The following UBXN8 variants were observed in gnomAD, a reference collection of about 807,000 sequenced individuals.
UBXN8 encodes the protein UBX domain-containing protein 8.
A neutral mutation model predicts 32.1 loss-of-function variants in UBXN8; 27 were observed. That is an observed-to-expected ratio of 0.84 (90% CI 0.62 to 1.16). The LOEUF (loss-of-function observed/expected upper bound fraction) is 1.16, where lower values mean the gene tolerates loss of function less well. Ranked by LOEUF, UBXN8 falls within the 50% of genes most tolerant of loss-of-function variation. UBXN8 has a pLI of 0.00. For synonymous variants in UBXN8, 109 were observed against 111.8 expected (o/e 0.98, Z 0.16); for missense variants, 306 against 311.4 (o/e 0.98, Z 0.13).
At chr8:30,762,767 T>A (rs1805869196) in intron 6 of UBXN8, among the ~76,000 whole-genome samples, 2 of 152,210 alleles carry the variant, frequency 1.3e-5, no homozygotes, top group Admixed American at 6.5e-5. Flanking sequence ...TTATGCCTAA[T>A]ATGATACCCA....
intron 7 of UBXN8, among the ~76,000 whole-genome samples, chr8:30,765,373 C>CT (rs1805971332): frequency 6.6e-6 from 1 of 152,060 alleles, no homozygotes; most frequent in Admixed American, 6.6e-5. Flanking sequence ...TCCCCGGACT[C>CT]AGGTGATCCT....
upstream of UBXN8, among the ~76,000 whole-genome samples, chr8:30,742,709 C>G (rs1383152384): frequency 6.6e-6 from 1 of 151,964 alleles, no homozygotes; most frequent in Non-Finnish European, 1.5e-5. Context: ...ACTTGAAATC[C>G]CACCCTTCCC....
At chr8:30,748,132 C>CTTT (rs1047300119) in intron 1 of UBXN8, among the ~76,000 whole-genome samples, 1 of 143,438 alleles carries the variant, frequency 7.0e-6, no homozygotes, top group Non-Finnish European at 1.5e-5. Context: ...AATTTTTTTT[C>CTTT]TTTTTTTTTT....
chr8:30,761,724 A>C (rs1805837008), intron 6 of UBXN8, among the ~76,000 whole-genome samples: 1 of 152,126 alleles, frequency 6.6e-6, no homozygotes, highest in South Asian at 2.1e-4. Flanking sequence ...AGGAAAAAAA[A>C]AAGGAAAAAA....
At chr8:30,757,244 A>T (rs564128766) in intron 5 of UBXN8, among the ~76,000 whole-genome samples, 1 of 152,010 alleles carries the variant, frequency 6.6e-6, no homozygotes, top group Non-Finnish European at 1.5e-5. Context: ...AAATGATAAT[A>T]GGTTTAGAAA....
chr8:30,752,566 C>T (rs1304841075), intron 2 of UBXN8, among the ~76,000 whole-genome samples: 3 of 152,142 alleles, frequency 2.0e-5, no homozygotes, highest in Admixed American at 6.6e-5. Context: ...CTGCCTCAGT[C>T]GCCCAAAATG....
At chr8:30,731,370 C>G (rs1276792997), upstream of UBXN8, among the ~76,000 whole-genome samples, 3 of 152,154 alleles carry the variant, frequency 2.0e-5, no homozygotes, top group Non-Finnish European at 4.4e-5. Flanking sequence ...ATCATCGGAG[C>G]CATGGGAGTT....
upstream of UBXN8, among the ~76,000 whole-genome samples, chr8:30,729,275 C>T (rs1437812768): frequency 2.6e-5 from 4 of 152,200 alleles, no homozygotes; most frequent in East Asian, 1.9e-4. Flanking sequence ...GGCAGGCCCC[C>T]GTGGAGTATC....
chr8:30,755,017 A>G (rs1304657767), intron 4 of UBXN8, among the ~76,000 whole-genome samples: 2 of 144,228 alleles, frequency 1.4e-5, no homozygotes, highest in Admixed American at 7.2e-5. Context: ...GTTCAGTGGC[A>G]CAATCTCGGC....
intron 1 of UBXN8, among the ~76,000 whole-genome samples, chr8:30,749,088 GTTC>G (rs1196922817): frequency 6.6e-6 from 1 of 151,922 alleles, no homozygotes; most frequent in East Asian, 1.9e-4. Flanking sequence ...TTTCACTTTG[GTTC>G]TTAATATAAC....
chr8:30,766,010 C>CAAA (rs35768128), intron 7 of UBXN8, among the ~76,000 whole-genome samples: 2 of 133,784 alleles, frequency 1.5e-5, no homozygotes, highest in Non-Finnish European at 1.6e-5. Flanking sequence ...ACTCCCATCT[C>CAAA]AAAAAAAAAA....
chr8:30,743,567 T>A (rs995024710), upstream of UBXN8, among the ~76,000 whole-genome samples: 2 of 152,154 alleles, frequency 1.3e-5, no homozygotes, highest in Non-Finnish European at 1.5e-5. Flanking sequence ...AACTATGAAG[T>A]CAAGGTTAAC....
chr8:30,737,898 A>C (rs756111750), intron 1 of UBXN8, among the ~76,000 whole-genome samples: 1 of 152,210 alleles, frequency 6.6e-6, no homozygotes, highest in African/African-American at 2.4e-5. Context: ...TTAGGGGGGA[A>C]AAAGAGACTA....
intron 1 of UBXN8, among the ~76,000 whole-genome samples, chr8:30,737,655 TC>T (rs1268307157): frequency 5.0e-5 from 4 of 80,212 alleles, no homozygotes; most frequent in Non-Finnish European, 1.7e-4. Context: ...ACCACTGCAC[TC>T]CAGCCTAAGC....
chr8:30,753,404 G>A (rs548246084), intron 3 of UBXN8, among the ~76,000 whole-genome samples: 17 of 152,116 alleles, frequency 1.1e-4, no homozygotes, highest in South Asian at 2.1e-4. Flanking sequence ...TTACAGGTGC[G>A]CACCACCACA....
At chr8:30,764,954 G>A (rs1483528890) in intron 7 of UBXN8, among the ~76,000 whole-genome samples, 2 of 152,194 alleles carry the variant, frequency 1.3e-5, no homozygotes, top group African/African-American at 4.8e-5. Context: ...GGAGGCTGAG[G>A]CAGGAGAATC....
rs1805299281 is a variant in UBXN8, at chr8:30,744,281, A to G, written c.88+4A>G. 1 of 1,613,040 alleles carries G rather than the reference A, an allele frequency of 6.2e-7. No individual in the cohort carries two copies. Among genetic ancestry groups the G allele is most frequent in the Non-Finnish European group, 8.5e-7 (1 of 1,179,482 alleles). ...CGGCGTGGGATCCCGGATATAGGTA[A>G]GTGTGACTTTTTCCCTTCGACAGTC... On this transcript the variant is annotated splice_donor_region_variant and intron_variant, in intron 1 of 7. Transcript: ENST00000265616.
chr8:30,729,307 G>A (rs958819877), upstream of UBXN8, among the ~76,000 whole-genome samples: 3 of 152,264 alleles, frequency 2.0e-5, no homozygotes, highest in East Asian at 5.8e-4. Context: ...TGAACACCGG[G>A]AAGGAACAGG....
intron 6 of UBXN8, 140 bp from the exon 7 acceptor site, chr8:30,763,133 A>C (rs777456171): frequency 1.7e-4 from 139 of 808,898 alleles, no homozygotes; most frequent in Middle Eastern, 3.7e-4. Context: ...GGCGTGAGCC[A>C]CCACCATGCC....
Sources: allele counts gnomAD v4.1 joint callset (sites outside exome capture counted in the v4.1 genomes callset), GRCh38; gene constraint gnomAD v4.1.1; transcripts MANE v1.5; gene names NCBI Gene and HGNC (gene_info 2026-07-23, HGNC 2026-07-21).